SOS1: variants seen among roughly 807,000 people sequenced by gnomAD.
SOS1 encodes son of sevenless homolog 1.
A neutral mutation model predicts 157.6 loss-of-function variants in SOS1; 25 were observed. The observed-to-expected ratio is 0.16, with a 90% CI of 0.12 to 0.22. The LOEUF is 0.22. Among genes scored for constraint, SOS1 ranks in the 10% least tolerant of loss-of-function variants. SOS1 has a pLI of 1.00. For synonymous variants in SOS1, 528 were observed against 534.0 expected (o/e 0.99, Z 0.16); for missense variants, 1,237 against 1,599.1 (o/e 0.77, Z 3.86).
At chr2:39,117,734 G>A (rs1003483654) in intron 1 of SOS1, among the ~76,000 whole-genome samples, 1 of 152,156 alleles carries the variant, frequency 6.6e-6, no homozygotes, top group Non-Finnish European at 1.5e-5. Context: ...ACAGTAGTCT[G>A]ACAAAGGAGA....
At chr2:39,050,260 A>G (rs1215745788) in intron 6 of SOS1, among the ~76,000 whole-genome samples, 1 of 152,196 alleles carries the variant, frequency 6.6e-6, no homozygotes, top group Non-Finnish European at 1.5e-5. Context: ...ATGCTAACTT[A>G]TTAGGACTGA....
chr2:39,118,158 G>C (rs948074644), intron 1 of SOS1, among the ~76,000 whole-genome samples: 1 of 152,194 alleles, frequency 6.6e-6, no homozygotes, highest in African/African-American at 2.4e-5. Flanking sequence ...ACTCAGCCCT[G>C]ATGATTTGAC....
intron 21 of SOS1, among the ~76,000 whole-genome samples, chr2:38,988,923 A>T (rs1047271365): frequency 1.2e-4 from 17 of 144,220 alleles, no homozygotes; most frequent in Admixed American, 8.6e-4. Flanking sequence ...CAGCATTCCC[A>T]TATGCGCATG....
chr2:39,120,370 T>C lies in SOS1; in HGVS notation c.53A>G (p.Lys18Arg), dbSNP rs777196517. 1 of 1,602,286 alleles carries C rather than the reference T, an allele frequency of 6.2e-7. No individual in the cohort carries two copies. Among genetic ancestry groups the C allele is most frequent in the Non-Finnish European group, 8.5e-7 (1 of 1,175,438 alleles). Residue 18 changes from lysine to arginine, a missense_variant, in exon 1 of 23, where the codon AAG (lysine) becomes AGG (arginine). By Grantham distance (26) the Lys-to-Arg change is conservative (BLOSUM62 2). Around this residue, in one of 15 missense-constraint regions of SOS1, gnomAD observed 99 missense variants for 81.6 expected, o/e 1.21. Coordinates refer to ENST00000402219, the MANE Select transcript of SOS1 (RefSeq NM_005633.4). Reference protein sequence around the residue: ...YEFFSEENAPKWRGLLVPALK... With the variant: ...YEFFSEENAPRWRGLLVPALK... ...CGCAGGCACCAGTAGTCCCCGCCAC[T>C]TGGGCGCGTTCTCTTCGCTGAAAAA...
chr2:39,106,651 TC>T (rs1471256208), intron 1 of SOS1, among the ~76,000 whole-genome samples: 1 of 143,636 alleles, frequency 7.0e-6, no homozygotes, highest in Non-Finnish European at 1.5e-5. Context: ...TAAAACCAAA[TC>T]TTTAAATTAC....
chr2:39,124,663 C>G, upstream of SOS1, among the ~76,000 whole-genome samples: 1 of 152,278 alleles, frequency 6.6e-6, no homozygotes, highest in Non-Finnish European at 1.5e-5. Flanking sequence ...CAGCTACTTA[C>G]TTTTCTGTTC....
chr2:39,003,800 T>C (rs781467073), intron 17 of SOS1, among the ~76,000 whole-genome samples: 1 of 152,216 alleles, frequency 6.6e-6, no homozygotes, highest in African/African-American at 2.4e-5. Flanking sequence ...GAACCAACTT[T>C]ATCATCTGTG....
intron 10 of SOS1, among the ~76,000 whole-genome samples, chr2:39,020,083 G>A (rs1669752025): frequency 6.6e-6 from 1 of 151,432 alleles, no homozygotes; most frequent in Non-Finnish European, 1.5e-5. Flanking sequence ...ACTCTATTTA[G>A]AGTCAAGAAA....
chr2:39,025,694 T>G lies in SOS1; in HGVS notation c.1075-1557A>C, dbSNP rs190816319. Among the ~76,000 whole-genome samples, 207 of 152,284 alleles carry G rather than the reference T, an allele frequency of 1.4e-3. 1 individual carries two copies. The highest frequency in any genetic ancestry group is 4.5e-3 in the African/African-American group (189 of 41,588). On this transcript the variant is annotated intron_variant, in intron 8 of 22. Transcript: ENST00000402219. ...CTTTTCAATTAGCTTAAGTATTCAT[T>G]AGTACATTAGTACTTTAAGGATTTT...
At chr2:39,059,892 C>T (rs187101242) in intron 2 of SOS1, among the ~76,000 whole-genome samples, 12 of 152,154 alleles carry the variant, frequency 7.9e-5, no homozygotes, top group Middle Eastern at 3.4e-3. Context: ...GAATTAGAAG[C>T]ATGTTGAAAG....
chr2:39,079,486 A>G (rs1382323624), intron 1 of SOS1, among the ~76,000 whole-genome samples: 2 of 101,106 alleles, frequency 2.0e-5, no homozygotes, highest in Admixed American at 1.3e-4. Flanking sequence ...AAAGTGTTCG[A>G]ATTTTTTTTT....
intron 1 of SOS1, among the ~76,000 whole-genome samples, chr2:39,075,116 G>A (rs1245374842): frequency 6.6e-6 from 1 of 152,132 alleles, no homozygotes; most frequent in African/African-American, 2.4e-5. Flanking sequence ...GGTTAACAGA[G>A]ATGAGGTTGA....
intron 6 of SOS1, among the ~76,000 whole-genome samples, chr2:39,036,960 T>C (rs922038039): frequency 5.5e-4 from 84 of 152,142 alleles, no homozygotes; most frequent in Admixed American, 1.2e-3. Flanking sequence ...TGTGAGCCAC[T>C]GCGCCTGGCC....
At chr2:39,081,464 G>C (rs1006549236) in intron 1 of SOS1, among the ~76,000 whole-genome samples, 7 of 147,784 alleles carry the variant, frequency 4.7e-5, no homozygotes, top group African/African-American at 1.8e-4. Context: ...AGGTTGCAGT[G>C]AGCCGAGATC....
intron 1 of SOS1, among the ~76,000 whole-genome samples, chr2:39,104,541 A>C (rs1344407919): frequency 6.6e-6 from 1 of 152,208 alleles, no homozygotes; most frequent in African/African-American, 2.4e-5. Flanking sequence ...TGTGAAAAAC[A>C]ATATGGCAGT....
chr2:39,092,435 A>G (rs1319367060), intron 1 of SOS1, among the ~76,000 whole-genome samples: 1 of 152,200 alleles, frequency 6.6e-6, no homozygotes, highest in Non-Finnish European at 1.5e-5. Context: ...TCACCTCCTC[A>G]GAGAGGCTGT....
Position 39,039,395 on chromosome 2 carries a change from C to G in SOS1, c.865-3895G>C, listed in dbSNP as rs1572844766. ...CAAAGTGATTATATCGATTTATATA[C>G]TTAGCAGCAGTGATTTTTCCCAGTT... On this transcript the variant is annotated intron_variant, in intron 6 of 22. Transcript: ENST00000402219. Among the ~76,000 whole-genome samples the G allele has an allele frequency of 2.0e-5, 3 of 152,192 alleles. No homozygotes were observed. In the East Asian group the frequency reaches 5.8e-4, roughly 29 times the overall value.
At chr2:39,075,096 A>G (rs1671924891) in intron 1 of SOS1, among the ~76,000 whole-genome samples, 1 of 152,110 alleles carries the variant, frequency 6.6e-6, no homozygotes, top group African/African-American at 2.4e-5. Context: ...AAATGTCAGT[A>G]TGAAGGATGG....
chr2:39,087,636 CATG>C (rs1160363802), intron 1 of SOS1, among the ~76,000 whole-genome samples: 1 of 152,196 alleles, frequency 6.6e-6, no homozygotes, highest in Non-Finnish European at 1.5e-5. Context: ...CAGAGGATAA[CATG>C]ATGATCAAAT....
Sources: gnomAD v4.1 joint callset for allele counts (sites outside exome capture counted in the v4.1 genomes callset) on GRCh38, gnomAD v4.1.1 for gene constraint, gnomAD v4.1.1 regional missense constraint, MANE v1.5 for transcripts, NCBI Gene and HGNC (gene_info 2026-07-23, HGNC 2026-07-21) for gene names.